Variants in CSMD1 observed in about 807,000 individuals in gnomAD.
CSMD1 encodes the protein CUB and sushi domain-containing protein 1.
In CSMD1, 213 loss-of-function variants were observed where a neutral mutation model predicts 417.5. The observed-to-expected ratio is 0.51, with a 90% confidence interval of 0.46 to 0.57. CSMD1 has a LOEUF of 0.57. Among genes scored for constraint, CSMD1 ranks in the 20% least tolerant of loss-of-function variants. CSMD1 has a pLI of 0.00. For synonymous variants in CSMD1, 2,862 were observed against 1,736.8 expected (o/e 1.65, Z -16.11); for missense variants, 6,923 against 4,529.7 (o/e 1.53, Z -15.17).
chr8:4,151,846 T>C (rs1169227215), intron 3 of CSMD1, among the ~76,000 whole-genome samples: 1 of 152,198 alleles, frequency 6.6e-6, no homozygotes, highest in African/African-American at 2.4e-5. Flanking sequence ...GAATCAATTA[T>C]ATTTCCATGT....
intron 1 of CSMD1, among the ~76,000 whole-genome samples, chr8:4,899,127 C>T (rs1804695676): frequency 6.6e-6 from 1 of 152,144 alleles, no homozygotes; most frequent in South Asian, 2.1e-4. Flanking sequence ...TTTGGTTATA[C>T]ACGTATCAAT....
chr8:3,514,667 T>C (rs1191063874), intron 10 of CSMD1, among the ~76,000 whole-genome samples: 1 of 152,214 alleles, frequency 6.6e-6, no homozygotes, highest in Non-Finnish European at 1.5e-5. Context: ...TCAAATTTTT[T>C]TTATCATATT....
intron 2 of CSMD1, among the ~76,000 whole-genome samples, chr8:4,630,590 T>C (rs538867934): frequency 2.0e-5 from 3 of 152,330 alleles, no homozygotes; most frequent in Admixed American, 1.3e-4. Flanking sequence ...GAAAGATACA[T>C]TGAGGAAAAT....
intron 10 of CSMD1, among the ~76,000 whole-genome samples, chr8:3,510,213 G>T (rs377595427): frequency 1.0e-4 from 15 of 150,612 alleles, no homozygotes; most frequent in African/African-American, 3.5e-4. Context: ...GGACATCAGG[G>T]AGTCGGCAGG....
intron 2 of CSMD1, among the ~76,000 whole-genome samples, chr8:4,586,017 T>C (rs1295035339): frequency 1.3e-5 from 2 of 152,208 alleles, no homozygotes; most frequent in African/African-American, 4.8e-5. Context: ...ATCATTACCT[T>C]TTTCATTATT....
Position 4,130,577 on chromosome 8 carries a change from G to C in CSMD1, c.416-98478C>G, listed in dbSNP as rs78747017. 7.3e-3 allele frequency among the ~76,000 whole-genome samples: 1,105 copies of C among 152,078 alleles called. 14 individuals are homozygous for C. Among genetic ancestry groups the C allele is most frequent in the African/African-American group, 0.026 (1,075 of 41,512 alleles). Reference sequence around the variant, plus strand: ...TTAAATCAATTACCACTGACCTTATGTTTTCTAACTTGCAAAATTGTATTA... The same window carrying C: ...TTAAATCAATTACCACTGACCTTATCTTTTCTAACTTGCAAAATTGTATTA... On this transcript the variant is annotated intron_variant, in intron 3 of 69. Coordinates refer to ENST00000635120, the MANE Select transcript of CSMD1 (RefSeq NM_033225.6).
intron 1 of CSMD1, among the ~76,000 whole-genome samples, chr8:4,754,904 C>T (rs751724061): frequency 6.6e-6 from 1 of 151,596 alleles, no homozygotes; most frequent in Non-Finnish European, 1.5e-5. Context: ...TTTGTGAATC[C>T]AAGGTGGGTG....
chr8:4,835,082 G>C lies in CSMD1; in HGVS notation c.85+159250C>G, dbSNP rs368711176. ...TAACAAACAAAAGCGTTTCTTCACTGCCCTATAGATATTAGAAACCTGGGA... is the reference window on the plus strand; with the variant it reads ...TAACAAACAAAAGCGTTTCTTCACTCCCCTATAGATATTAGAAACCTGGGA... On this transcript the variant is annotated intron_variant, in intron 1 of 69. Transcript: ENST00000635120. Among the ~76,000 whole-genome samples, 30 of 151,152 alleles carry C rather than the reference G, an allele frequency of 2.0e-4. 1 individual carries two copies. In the South Asian group the frequency reaches 3.6e-3, roughly 18 times the overall value.
intron 3 of CSMD1, among the ~76,000 whole-genome samples, chr8:4,250,159 T>C (rs1423607308): frequency 6.6e-6 from 1 of 152,186 alleles, no homozygotes; most frequent in East Asian, 1.9e-4. Flanking sequence ...TCTCAGCCTC[T>C]AGAACTGTGA....
chr8:4,193,194 T>C (rs912415375), intron 3 of CSMD1, among the ~76,000 whole-genome samples: 2 of 152,170 alleles, frequency 1.3e-5, no homozygotes, highest in African/African-American at 4.8e-5. Context: ...TTTGGAGTCA[T>C]AAGCAGGGCT....
intron 3 of CSMD1, among the ~76,000 whole-genome samples, chr8:4,252,334 G>T (rs1471344166): frequency 6.6e-6 from 1 of 152,184 alleles, no homozygotes; most frequent in African/African-American, 2.4e-5. Flanking sequence ...CTACAATGAA[G>T]AATATGTCAT....
chr8:3,701,834 G>A (rs1186457655), intron 7 of CSMD1, among the ~76,000 whole-genome samples: 1 of 152,178 alleles, frequency 6.6e-6, no homozygotes, highest in East Asian at 1.9e-4. Context: ...TCCAAATTAT[G>A]CCTGAGCCAC....
chr8:3,225,451 G>A (rs1042893030), intron 27 of CSMD1, among the ~76,000 whole-genome samples: 1 of 151,700 alleles, frequency 6.6e-6, no homozygotes, highest in Non-Finnish European at 1.5e-5. Context: ...AGCTCTCACA[G>A]GGCAGTGCCT....
chr8:3,933,989 C>G (rs903319074), intron 5 of CSMD1, among the ~76,000 whole-genome samples: 1 of 152,076 alleles, frequency 6.6e-6, no homozygotes, highest in African/African-American at 2.4e-5. Flanking sequence ...AGTGGCAAAC[C>G]CATGGCAAAT....
intron 4 of CSMD1, among the ~76,000 whole-genome samples, chr8:4,002,414 A>C (rs2740973): frequency 0.68 from 102,865 of 152,072 alleles, 34,989 homozygotes; most frequent in South Asian, 0.76. Context: ...TACCTAACTA[A>C]TATGTTTGAT....
chr8:3,859,109 C>T (rs1195405428), intron 5 of CSMD1, among the ~76,000 whole-genome samples: 1 of 152,152 alleles, frequency 6.6e-6, no homozygotes, highest in African/African-American at 2.4e-5. Flanking sequence ...CAATCAGAAG[C>T]TCTGAGTACT....
intron 1 of CSMD1, among the ~76,000 whole-genome samples, chr8:4,730,290 CA>C (rs1448479550): frequency 1.3e-5 from 2 of 152,072 alleles, no homozygotes; most frequent in African/African-American, 4.8e-5. Flanking sequence ...ACTGTGAAGA[CA>C]GTTCATTAAT....
At chr8:3,842,570 A>C (rs1157080957) in intron 5 of CSMD1, among the ~76,000 whole-genome samples, 1 of 152,178 alleles carries the variant, frequency 6.6e-6, no homozygotes, top group Non-Finnish European at 1.5e-5. Context: ...ACAGTAGTAG[A>C]AATAACACAT....
At chr8:4,825,501 T>C (rs1799773037) in intron 1 of CSMD1, among the ~76,000 whole-genome samples, 2 of 152,028 alleles carry the variant, frequency 1.3e-5, no homozygotes, top group Non-Finnish European at 2.9e-5. Flanking sequence ...TCGCCCGATT[T>C]TTCCTTCCCC....
Sources: gnomAD v4.1 joint callset for allele counts (sites outside exome capture counted in the v4.1 genomes callset) on GRCh38, gnomAD v4.1.1 for gene constraint, MANE v1.5 for transcripts, NCBI Gene and HGNC (gene_info 2026-07-23, HGNC 2026-07-21) for gene names.